Variants in CLCN3 observed in about 807,000 individuals in gnomAD.
CLCN3 encodes the protein H(+)/Cl(-) exchange transporter 3.
Under a neutral mutation model 83.4 loss-of-function variants are expected in CLCN3, and 16 were observed. The ratio of observed to expected loss-of-function variants is 0.19; its 90% confidence interval spans 0.13 to 0.29. CLCN3 has a LOEUF of 0.29. CLCN3 is among the 10% of genes least tolerant of loss of function. The pLI is 1.00. For synonymous variants in CLCN3, 322 were observed against 346.2 expected, an observed-to-expected ratio of 0.93 and a Z score of 0.78; for missense variants, 544 against 1,006.0, an observed-to-expected ratio of 0.54 and a Z score of 6.21.
chr4:169,691,986 TA>T, intron 6 of CLCN3, 127 bp from the exon 7 acceptor site: 1 of 601,888 alleles, frequency 1.7e-6, no homozygotes, highest in Non-Finnish European at 2.9e-6. Flanking sequence ...AAATTAACTG[TA>T]AATTTTTCTG....
At chr4:169,639,631 T>C (rs1730342742) in intron 2 of CLCN3, among the ~76,000 whole-genome samples, 1 of 152,216 alleles carries the variant, frequency 6.6e-6, no homozygotes, top group African/African-American at 2.4e-5. Flanking sequence ...ATTCTTCTGT[T>C]AACAGTAGCA....
chr4:169,640,757 A>G (rs1048159286), intron 2 of CLCN3, among the ~76,000 whole-genome samples: 1 of 152,168 alleles, frequency 6.6e-6, no homozygotes, highest in African/African-American at 2.4e-5. Context: ...ACTGTTCATG[A>G]GTGCAGCTTT....
Position 169,664,910 on chromosome 4 carries a change from G to C in CLCN3, c.161-15140G>C, listed in dbSNP as rs774209578. 1.2e-3 allele frequency among the ~76,000 whole-genome samples: 179 copies of C among 152,254 alleles called. 4 individuals are homozygous for C. Among genetic ancestry groups the C allele is most frequent in the Non-Finnish European group, 1.2e-3 (81 of 68,006 alleles). ...ATCGAGGTTTCTGCTTTGCGTTTAT[G>C]CAGGAGACTGGTAGTTTAAATTGAA... On this transcript the variant is annotated intron_variant, in intron 2 of 12. Transcript: ENST00000513761.
chr4:169,660,424 C>G, intron 2 of CLCN3: 1 of 1,383,270 alleles, frequency 7.2e-7, no homozygotes, highest in Non-Finnish European at 9.3e-7. Flanking sequence ...AGACAGTATT[C>G]CCCTGAGGGA....
chr4:169,650,268 G>A (rs1211247918), intron 2 of CLCN3, among the ~76,000 whole-genome samples: 1 of 152,134 alleles, frequency 6.6e-6, no homozygotes, highest in Non-Finnish European at 1.5e-5. Context: ...CAGTATTCTC[G>A]TATGTAGATT....
intron 2 of CLCN3, among the ~76,000 whole-genome samples, chr4:169,672,705 C>G (rs1374750274): frequency 6.6e-6 from 1 of 151,866 alleles, no homozygotes; most frequent in African/African-American, 2.4e-5. Flanking sequence ...GCTCTGTCAC[C>G]CAGGCTAGAG....
intron 2 of CLCN3, among the ~76,000 whole-genome samples, chr4:169,654,296 C>G (rs530364198): frequency 6.6e-6 from 1 of 152,062 alleles, no homozygotes; most frequent in South Asian, 2.1e-4. Context: ...TTGCCCTCCC[C>G]CATCTTAATC....
intron 2 of CLCN3, among the ~76,000 whole-genome samples, chr4:169,668,043 ATTT>A (rs60739106): frequency 1.2e-5 from 1 of 82,342 alleles, no homozygotes; most frequent in Non-Finnish European, 2.4e-5. Context: ...CCGGCCAGAC[ATTT>A]TTTTTTTTTT....
chr4:169,677,766 A>T (rs1410799356), intron 2 of CLCN3, among the ~76,000 whole-genome samples: 1 of 152,252 alleles, frequency 6.6e-6, no homozygotes, highest in Non-Finnish European at 1.5e-5. Context: ...TAGCTTTGCT[A>T]AATTAATGCA....
At position 169,671,950 on chromosome 4, in the gene CLCN3, G is replaced by A. The variant is rs1468691946; in HGVS notation, c.161-8100G>A. ...TCTAACTGTGAGCACAGTGGCTCAC[G>A]CCTGTAATCCCGACACTTTGGGAGG... On this transcript the variant is annotated intron_variant, in intron 2 of 12. Coordinates refer to ENST00000513761, the MANE Select transcript of CLCN3 (RefSeq NM_001829.4). Among the ~76,000 whole-genome samples, 3 of 152,078 alleles carry A rather than the reference G, an allele frequency of 2.0e-5. No individual in the cohort carries two copies. The East Asian group carries it at 5.8e-4, about 29-fold the overall frequency.
chr4:169,707,155 A>G lies in CLCN3; in HGVS notation c.2038A>G (p.Ile680Val), dbSNP rs1267750566. ...ACAGGACAATATGACAGTGGATGAT[A>G]TAGAAAACATGATTAATGAAACCAG... ...LTQDNMTVDD[I>V]ENMINETSYN... The change falls in exon 11 of 13, where the codon ATA becomes GTA. Residue 680 changes from isoleucine to valine, a missense_variant. This residue lies in a region of CLCN3 where 142 missense variants were observed against 225.0 expected (regional missense o/e 0.63). Coordinates refer to ENST00000513761, the MANE Select transcript of CLCN3 (RefSeq NM_001829.4). 1.9e-6 allele frequency: 3 copies of G among 1,613,932 alleles called. No individual in the cohort carries two copies. Among genetic ancestry groups the G allele is most frequent in the African/African-American group, 1.3e-5 (1 of 74,920 alleles).
At chr4:169,692,075 C>CT in intron 6 of CLCN3, 39 bp from the exon 7 acceptor site, 1 of 1,261,738 alleles carries the variant, frequency 7.9e-7, no homozygotes, top group South Asian at 1.2e-5. Context: ...TCTCATGTTT[C>CT]TTAAAGGACA....
Position 169,713,063 on chromosome 4 carries a change from TTCTC to T in CLCN3, c.2150-10_2150-7del, listed in dbSNP as rs749905644. On this transcript the variant is annotated splice_polypyrimidine_tract_variant and intron_variant, in intron 11 of 12. Transcript: ENST00000513761. Reference sequence around the variant, plus strand: ...CTATCAGTTTAAAAGTGTTGGTCTCTTCTCTCTCTTTTCAGAAAGTGCCAGGAAA... The same window carrying T: ...CTATCAGTTTAAAAGTGTTGGTCTCTTCTCTTTTCAGAAAGTGCCAGGAAA... 1.2e-6 allele frequency: 2 copies of T among 1,605,532 alleles called. No individual in the cohort carries two copies. The highest frequency in any genetic ancestry group is 1.1e-5 in the South Asian group (1 of 90,676).
intron 10 of CLCN3, among the ~76,000 whole-genome samples, chr4:169,704,559 G>C (rs1732918446): frequency 6.6e-6 from 1 of 152,166 alleles, no homozygotes; most frequent in African/African-American, 2.4e-5. Flanking sequence ...CCTAAGATTA[G>C]CATTGCAACA....
chr4:169,636,062 A>G lies in CLCN3; in HGVS notation c.134A>G (p.Asn45Ser), dbSNP rs762388847. The G allele has an allele frequency of 3.7e-6, 6 of 1,612,800 alleles. No homozygotes were observed. Among genetic ancestry groups the G allele is most frequent in the South Asian group, 3.3e-5 (3 of 90,936 alleles). Residue 45 changes from asparagine to serine, a missense_variant, in exon 2 of 13, where the codon AAT (asparagine) becomes AGT (serine). By Grantham distance (46) the Asn-to-Ser change is conservative. Coordinates refer to ENST00000513761, the MANE Select transcript of CLCN3 (RefSeq NM_001829.4). ...IMDFQTSEDD[N>S]LLDGDTAVGT... ...GACTTTCAAACATCTGAAGATGACA[A>G]TTTATTAGATGGTGACACTGCAGTT...
intron 2 of CLCN3, among the ~76,000 whole-genome samples, chr4:169,668,426 G>T (rs756822451): frequency 1.3e-5 from 2 of 152,044 alleles, no homozygotes; most frequent in Admixed American, 6.6e-5. Flanking sequence ...TACATAATTT[G>T]TCTCCAGTCC....
intron 9 of CLCN3, among the ~76,000 whole-genome samples, chr4:169,699,310 C>A (rs533973847): frequency 6.6e-6 from 1 of 152,208 alleles, no homozygotes. Context: ...TATAAAATAA[C>A]AAAATTTGTT....
At chr4:169,693,580 CA>C (rs1044548295) in intron 7 of CLCN3, among the ~76,000 whole-genome samples, 2 of 149,694 alleles carry the variant, frequency 1.3e-5, no homozygotes, top group Non-Finnish European at 3.0e-5. Context: ...TACCTACTTA[CA>C]TTACTGCCCT....
At chr4:169,710,849 A>C (rs1349421843) in intron 11 of CLCN3, among the ~76,000 whole-genome samples, 1 of 152,018 alleles carries the variant, frequency 6.6e-6, no homozygotes, top group African/African-American at 2.4e-5. Flanking sequence ...CTATTAATGA[A>C]TTATTTTAGC....
Sources: gnomAD v4.1 joint callset for allele counts (sites outside exome capture counted in the v4.1 genomes callset) on GRCh38, gnomAD v4.1.1 for gene constraint, gnomAD v4.1.1 regional missense constraint, MANE v1.5 for transcripts, NCBI Gene and HGNC (gene_info 2026-07-23, HGNC 2026-07-21) for gene names.